Variants in MGMT observed in about 807,000 individuals in gnomAD.
MGMT encodes O-6-methylguanine-DNA methyltransferase.
A neutral mutation model predicts 15.9 loss-of-function variants in MGMT; 14 were observed. That is an observed-to-expected ratio of 0.88 (90% confidence interval 0.58 to 1.37). The LOEUF (loss-of-function observed/expected upper bound fraction) is 1.37, where lower values mean the gene tolerates loss of function less well. Among genes scored for constraint, MGMT ranks in the 40% most tolerant of loss-of-function variants. MGMT has a pLI of 0.00. For missense variants in MGMT, 282 were observed against 268.1 expected (o/e 1.05, Z -0.36); for synonymous variants, 130 against 118.2 (o/e 1.10, Z -0.65).
At chr10:129,736,281 C>A (rs1227592497) in intron 3 of MGMT, among the ~76,000 whole-genome samples, 1 of 150,874 alleles carries the variant, frequency 6.6e-6, no homozygotes, top group Non-Finnish European at 1.5e-5. Flanking sequence ...ATAGTTAGCT[C>A]TTCTTGTTGA....
chr10:129,492,728 G>T (rs1411726204), intron 1 of MGMT, among the ~76,000 whole-genome samples: 1 of 152,176 alleles, frequency 6.6e-6, no homozygotes, highest in Non-Finnish European at 1.5e-5. Flanking sequence ...TACAGTCCCA[G>T]TCCCCCTAGT....
chr10:129,684,934 A>G (rs1446279674), intron 2 of MGMT, among the ~76,000 whole-genome samples: 1 of 152,244 alleles, frequency 6.6e-6, no homozygotes, highest in Non-Finnish European at 1.5e-5. Context: ...TGGAGGAACC[A>G]GATTCTTTCT....
rs1349141636 is a variant in MGMT, at chr10:129,767,290, T to A, written c.*293T>A. 1 of 258,220 alleles carries A rather than the reference T, an allele frequency of 3.9e-6. No individual in the cohort carries two copies. 16.0% of individuals were successfully genotyped at this position (258,220 alleles called of 1,614,324 possible). A position where few individuals can be genotyped will look rare whatever the true frequency, so the allele number is the denominator to read the frequency against. ...GGCCACAGCCCAGGATGGGGCAGTC[T>A]GGCACCCTCAGGCCACAGACGGCTG... On this transcript the variant is annotated 3_prime_UTR_variant, in exon 5 of 5. Coordinates refer to ENST00000651593, the MANE Select transcript of MGMT (RefSeq NM_002412.5).
chr10:129,660,802 A>G (rs1020601559), intron 2 of MGMT, among the ~76,000 whole-genome samples: 40 of 146,212 alleles, frequency 2.7e-4, no homozygotes, highest in African/African-American at 7.4e-4. Flanking sequence ...ACACACACGC[A>G]CACACATGCA....
At chr10:129,721,528 T>A (rs1357918210) in intron 3 of MGMT, among the ~76,000 whole-genome samples, 3 of 152,246 alleles carry the variant, frequency 2.0e-5, no homozygotes, top group Non-Finnish European at 4.4e-5. Flanking sequence ...TATTATTTTA[T>A]TTAAAAGATG....
chr10:129,651,809 C>A (rs1266120765), intron 2 of MGMT, among the ~76,000 whole-genome samples: 1 of 152,164 alleles, frequency 6.6e-6, no homozygotes, highest in Admixed American at 6.5e-5. Context: ...GTTCTTCATT[C>A]GAGAGCATGT....
At chr10:129,716,880 A>T (rs191018814) in intron 3 of MGMT, among the ~76,000 whole-genome samples, 2 of 152,358 alleles carry the variant, frequency 1.3e-5, no homozygotes, top group Admixed American at 6.5e-5. Flanking sequence ...AGAAGATAAC[A>T]AAATGGTTTA....
chr10:129,578,096 T>C (rs1384844583), intron 2 of MGMT, among the ~76,000 whole-genome samples: 1 of 152,210 alleles, frequency 6.6e-6, no homozygotes, highest in Non-Finnish European at 1.5e-5. Flanking sequence ...GACTGTAAAG[T>C]AGTTCAACCA....
rs1003158795 is a variant in MGMT, at chr10:129,770,680, T to G, written c.*3683T>G. On this transcript the variant is annotated 3_prime_UTR_variant, in exon 5 of 5. Coordinates refer to ENST00000651593, the MANE Select transcript of MGMT (RefSeq NM_002412.5). ...CAGAGGAGGATTCTGAAGTGAGAGA[T>G]AAATTGGCTTCATGTATGAGCAAGG... is the stretch of plus-strand genomic sequence containing the variant. Among the ~76,000 whole-genome samples the G allele has an allele frequency of 2.6e-5, 4 of 152,232 alleles. No individual in the cohort carries two copies. The highest frequency in any genetic ancestry group is 4.4e-5 in the Non-Finnish European group (3 of 68,040).
chr10:129,729,463 G>T lies in MGMT; in HGVS notation c.274+21420G>T, dbSNP rs371264608. Among the ~76,000 whole-genome samples the T allele has an allele frequency of 5.3e-5, 8 of 152,272 alleles. No individual in the cohort carries two copies. The East Asian group carries it at 1.6e-3, about 30-fold the overall frequency. ...TGCCAGCCTCACCTGCGTGCCTCTC[G>T]TCCTCATTTGAATAGGTGAGCAACC... On this transcript the variant is annotated intron_variant, in intron 3 of 4. Coordinates refer to ENST00000651593, the MANE Select transcript of MGMT (RefSeq NM_002412.5).
At chr10:129,578,996 G>A (rs1206756110) in intron 2 of MGMT, among the ~76,000 whole-genome samples, 1 of 152,090 alleles carries the variant, frequency 6.6e-6, no homozygotes, top group Non-Finnish European at 1.5e-5. Context: ...GCCTGCCGTC[G>A]CCTTAATGTA....
chr10:129,738,308 C>T (rs1418632688), intron 3 of MGMT, among the ~76,000 whole-genome samples: 3 of 152,188 alleles, frequency 2.0e-5, no homozygotes, highest in Non-Finnish European at 4.4e-5. Context: ...GTGGGAGTGA[C>T]CCGATTTTCC....
intron 3 of MGMT, among the ~76,000 whole-genome samples, chr10:129,722,998 T>C (rs964419946): frequency 1.0e-5 from 1 of 97,862 alleles, no homozygotes; most frequent in Admixed American, 1.6e-4. Context: ...AGAGGAAGAC[T>C]CTATCACAAA....
At chr10:129,740,303 G>A (rs1848616506) in intron 3 of MGMT, among the ~76,000 whole-genome samples, 1 of 152,106 alleles carries the variant, frequency 6.6e-6, no homozygotes, top group Non-Finnish European at 1.5e-5. Flanking sequence ...CACAGCTGCT[G>A]AGGTCCGGTG....
rs529121748 is a variant in MGMT, at chr10:129,744,661, C to G, written c.275-14541C>G. Among the ~76,000 whole-genome samples the G allele has an allele frequency of 6.6e-5, 10 of 152,324 alleles. No individual in the cohort carries two copies. In the East Asian group the frequency reaches 1.9e-3, roughly 29 times the overall value. On this transcript the variant is annotated intron_variant, in intron 3 of 4. Transcript: ENST00000651593. ...GGCTTTCCTGCGTGCCACGGAGAGC[C>G]AGCCAGTGGGGCTGCAGGCACCTCC...
At chr10:129,614,493 C>T (rs1302554404) in intron 2 of MGMT, among the ~76,000 whole-genome samples, 2 of 148,780 alleles carry the variant, frequency 1.3e-5, no homozygotes, top group Admixed American at 6.7e-5. Flanking sequence ...TGTTCCTGGC[C>T]CTGACACGTG....
intron 2 of MGMT, among the ~76,000 whole-genome samples, chr10:129,551,550 C>T (rs1259612241): frequency 2.0e-5 from 3 of 152,230 alleles, no homozygotes; most frequent in South Asian, 2.1e-4. Context: ...TCTGACAACT[C>T]GAGGTAGATC....
chr10:129,744,528 A>T lies in MGMT; in HGVS notation c.275-14674A>T, dbSNP rs74160281. Among the ~76,000 whole-genome samples, 599 of 152,328 alleles carry T rather than the reference A, an allele frequency of 3.9e-3. 3 individuals carry two copies. The highest frequency in any genetic ancestry group is 0.014 in the African/African-American group (566 of 41,586). The stretch of plus-strand genomic sequence containing the variant: ...CCTCCTCCAGGGACCATACTAAAGC[A>T]GCTAGCAGCACCTTCCCCCTGCTGT... On this transcript the variant is annotated intron_variant, in intron 3 of 4. Transcript: ENST00000651593.
intron 1 of MGMT, among the ~76,000 whole-genome samples, chr10:129,535,924 A>G (rs1260848131): frequency 4.6e-5 from 7 of 152,202 alleles, no homozygotes; most frequent in Non-Finnish European, 7.3e-5. Flanking sequence ...AGTTGTGGGA[A>G]TTATTTAAAA....
Sources: gnomAD v4.1 joint callset for allele counts (sites outside exome capture counted in the v4.1 genomes callset) on GRCh38, gnomAD v4.1.1 for gene constraint, MANE v1.5 for transcripts, NCBI Gene and HGNC (gene_info 2026-07-23, HGNC 2026-07-21) for gene names.